The following TMEM38B variants were observed in gnomAD, a reference collection of about 807,000 sequenced individuals.
TMEM38B encodes trimeric intracellular cation channel type B.
Under a neutral mutation model 28.7 loss-of-function variants are expected in TMEM38B, and 24 were observed. The observed-to-expected ratio is 0.84, with a 90% CI of 0.61 to 1.18. The LOEUF (loss-of-function observed/expected upper bound fraction) is 1.18, where lower values mean the gene tolerates loss of function less well. Among genes scored for constraint, TMEM38B ranks in the 50% most tolerant of loss-of-function variants. The probability of loss-of-function intolerance (pLI) is 0.00; values close to 1 mark genes in which losing one functional copy is unlikely to be tolerated. For synonymous variants in TMEM38B, 131 were observed against 127.7 expected (o/e 1.03, Z -0.17); for missense variants, 380 against 350.9 (o/e 1.08, Z -0.66).
intron 5 of TMEM38B, chr9:105,758,403 G>T: frequency 7.4e-7 from 1 of 1,343,778 alleles, no homozygotes; most frequent in Non-Finnish European, 1.1e-6. Flanking sequence ...TTTTCGAGCA[G>T]GAATGCCTCT....
chr9:105,745,170 T>TC (rs1164134081), intron 4 of TMEM38B, among the ~76,000 whole-genome samples: 2 of 152,166 alleles, frequency 1.3e-5, no homozygotes, highest in African/African-American at 4.8e-5. Flanking sequence ...CACACTGTCT[T>TC]CACAATGGTT....
intron 2 of TMEM38B, among the ~76,000 whole-genome samples, chr9:105,719,377 T>A (rs1836237553): frequency 2.0e-5 from 3 of 152,196 alleles, no homozygotes; most frequent in Admixed American, 2.0e-4. Context: ...ATGATAATTT[T>A]AGTTAAAGGT....
intron 2 of TMEM38B, among the ~76,000 whole-genome samples, chr9:105,713,814 A>G (rs1375788004): frequency 6.6e-6 from 1 of 152,144 alleles, no homozygotes; most frequent in Admixed American, 6.5e-5. Context: ...ACAAATCAGC[A>G]TGCATTTCTC....
intron 4 of TMEM38B, among the ~76,000 whole-genome samples, chr9:105,743,143 G>A (rs924224884): frequency 7.9e-5 from 12 of 152,150 alleles, no homozygotes; most frequent in African/African-American, 2.9e-4. Flanking sequence ...ATTGTTAAGC[G>A]AGATCCAGAA....
At position 105,705,798 on chromosome 9, in the gene TMEM38B, G is replaced by C. The variant is rs376336470; in HGVS notation, c.269+45G>C. On this transcript the variant is annotated intron_variant, in intron 2 of 5. Coordinates refer to ENST00000374692, the MANE Select transcript of TMEM38B (RefSeq NM_018112.3). ...ACCTATGTGACATTTAAACAATTGT[G>C]TTGTAAATTGTTAGTAAAATGAATT... 2.0e-6 allele frequency: 3 copies of C among 1,519,656 alleles called. No homozygotes were observed. In the African/African-American group the frequency reaches 4.2e-5, roughly 21 times the overall value. 94.1% of individuals were successfully genotyped at this position (1,519,656 alleles called of 1,614,324 possible).
intron 4 of TMEM38B, among the ~76,000 whole-genome samples, chr9:105,737,902 A>G (rs953546036): frequency 1.3e-5 from 2 of 152,142 alleles, no homozygotes; most frequent in Non-Finnish European, 2.9e-5. Flanking sequence ...CACAGAAACA[A>G]CTGGGATGCA....
chr9:105,736,088 C>T (rs1382127034), intron 4 of TMEM38B, among the ~76,000 whole-genome samples: 1 of 150,050 alleles, frequency 6.7e-6, no homozygotes, highest in African/African-American at 2.5e-5. Context: ...TAGGATCTCA[C>T]TATGTTGCCC....
At chr9:105,710,560 T>C in intron 2 of TMEM38B, 2 of 965,130 alleles carry the variant, frequency 2.1e-6, no homozygotes, top group Non-Finnish European at 3.4e-6. Context: ...AAATCCACTT[T>C]CTGTCCAAAT....
rs537621838 is a variant in TMEM38B, at chr9:105,759,669, A to G, written c.660+11479A>G. Reference sequence around the variant, plus strand: ...AATCTTTTCCAAACATAGAAGGACAAAATACTAAACTGTTTTTAGAGTCTA... The same window carrying G: ...AATCTTTTCCAAACATAGAAGGACAGAATACTAAACTGTTTTTAGAGTCTA... On this transcript the variant is annotated intron_variant, in intron 5 of 5. Coordinates refer to ENST00000374692, the MANE Select transcript of TMEM38B (RefSeq NM_018112.3). 1.1e-4 allele frequency: 170 copies of G among 1,601,912 alleles called. 3 individuals carry two copies. In the South Asian group the frequency reaches 1.6e-3, roughly 15 times the overall value.
chr9:105,741,856 A>G (rs1296684232), intron 4 of TMEM38B, among the ~76,000 whole-genome samples: 1 of 152,338 alleles, frequency 6.6e-6, no homozygotes, highest in East Asian at 1.9e-4. Flanking sequence ...TAAAACTGAG[A>G]TTCACTCTGG....
intron 5 of TMEM38B, among the ~76,000 whole-genome samples, chr9:105,771,542 T>G (rs112884222): frequency 1.3e-3 from 201 of 152,348 alleles, no homozygotes; most frequent in African/African-American, 4.6e-3. Flanking sequence ...GCTGTTTTCC[T>G]GACAGTAGAC....
chr9:105,713,012 G>A (rs2133565093), intron 2 of TMEM38B, among the ~76,000 whole-genome samples: 1 of 152,370 alleles, frequency 6.6e-6, no homozygotes, highest in South Asian at 2.1e-4. Flanking sequence ...GGCTGTGAGG[G>A]GACTTGGCCC....
At chr9:105,701,322 T>G (rs1298695013) in intron 1 of TMEM38B, 2 of 152,186 alleles carry the variant, frequency 1.3e-5, no homozygotes, top group Non-Finnish European at 2.9e-5. Flanking sequence ...GTCAGTGTAA[T>G]GTCATCAGTG....
rs1826660738 is a variant in TMEM38B at position 105,774,341 on chromosome 9, A to G, written c.*261A>G. 1.2e-5 allele frequency: 3 copies of G among 250,290 alleles called. No individual in the cohort carries two copies. The highest frequency in any genetic ancestry group is 2.3e-5 in the Non-Finnish European group (3 of 132,892). 15.5% of individuals were successfully genotyped at this position (250,290 alleles called of 1,614,324 possible). On this transcript the variant is annotated 3_prime_UTR_variant, in exon 6 of 6. Transcript: ENST00000374692. ...TATTTGAATAGTTTTATATTAATAA[A>G]AGAAGACAAAATTTTTTAAATGTTA...
intron 4 of TMEM38B, among the ~76,000 whole-genome samples, chr9:105,726,134 G>T (rs1024988230): frequency 6.6e-6 from 1 of 151,778 alleles, no homozygotes; most frequent in African/African-American, 2.4e-5. Context: ...TTTGTATTAG[G>T]AACATTCTAA....
At position 105,702,060 on chromosome 9, in the gene TMEM38B, A is replaced by T. The variant is rs936596943; in HGVS notation, c.113-3537A>T. 6.6e-5 allele frequency among the ~76,000 whole-genome samples: 10 copies of T among 152,232 alleles called. No individual in the cohort carries two copies. The South Asian group carries it at 1.2e-3, about 19-fold the overall frequency. On this transcript the variant is annotated intron_variant, in intron 1 of 5. Transcript: ENST00000374692. ...TGAGACCCCATCTCTGAAAAAATTT[A>T]AAAAAATTTAAAAACCAAAAAAATC...
chr9:105,706,354 C>T (rs1006666831), intron 2 of TMEM38B, among the ~76,000 whole-genome samples: 5 of 152,194 alleles, frequency 3.3e-5, no homozygotes, highest in South Asian at 2.1e-4. Context: ...TGCAGTGGCG[C>T]GCTCTCAGCT....
At chr9:105,713,721 T>C (rs943589478) in intron 2 of TMEM38B, among the ~76,000 whole-genome samples, 1 of 152,162 alleles carries the variant, frequency 6.6e-6, no homozygotes, top group Non-Finnish European at 1.5e-5. Context: ...AGCCTGGAGC[T>C]GGGCTGCCAG....
chr9:105,709,892 A>G (rs1835834703), intron 2 of TMEM38B, among the ~76,000 whole-genome samples: 1 of 152,262 alleles, frequency 6.6e-6, no homozygotes, highest in Non-Finnish European at 1.5e-5. Flanking sequence ...TTTGAGGCAG[A>G]CCAACAGAGG....
Sources: gnomAD v4.1 joint callset for allele counts (sites outside exome capture counted in the v4.1 genomes callset) on GRCh38, gnomAD v4.1.1 for gene constraint, MANE v1.5 for transcripts, NCBI Gene and HGNC (gene_info 2026-07-23, HGNC 2026-07-21) for gene names.